FHIT: variants seen among roughly 807,000 people sequenced by gnomAD.
FHIT encodes fragile histidine triad diadenosine triphosphatase.
In FHIT, 19 loss-of-function variants were observed where a neutral mutation model predicts 17.9. That is an observed-to-expected ratio of 1.06 (90% CI 0.74 to 1.56). FHIT has a LOEUF of 1.56. Ranked by LOEUF, FHIT falls within the 40% of genes most tolerant of loss-of-function variation. FHIT has a pLI of 0.00. For synonymous variants in FHIT, 81 were observed against 69.7 expected (o/e 1.16, Z -0.81); for missense variants, 248 against 189.2 (o/e 1.31, Z -1.82).
intron 3 of FHIT, among the ~76,000 whole-genome samples, chr3:60,876,107 TC>T (rs1159355656): frequency 6.6e-6 from 1 of 152,094 alleles, no homozygotes; most frequent in East Asian, 1.9e-4. Context: ...GTTATCAGGA[TC>T]CTAACCTTAA....
rs551008239 is a variant in FHIT at position 60,768,737 on chromosome 3, C to A, written c.-18+53182G>T. Among the ~76,000 whole-genome samples, 3 of 152,356 alleles carry A rather than the reference C, an allele frequency of 2.0e-5. No individual in the cohort carries two copies. The East Asian group carries it at 5.8e-4, about 29-fold the overall frequency. Reference sequence around the variant, plus strand: ...ATGCCTGTGAGGGGCCCTGGCAAGGCATACCGCCTGACCTGCACACCAAGT... The same window carrying A: ...ATGCCTGTGAGGGGCCCTGGCAAGGAATACCGCCTGACCTGCACACCAAGT... On this transcript the variant is annotated intron_variant, in intron 4 of 9. Transcript: ENST00000492590.
chr3:60,826,022 A>C (rs1553740830), intron 3 of FHIT, among the ~76,000 whole-genome samples: 1 of 152,156 alleles, frequency 6.6e-6, no homozygotes, highest in Admixed American at 6.5e-5. Flanking sequence ...AAATCTGACC[A>C]AACAAAAACG....
intron 8 of FHIT, among the ~76,000 whole-genome samples, chr3:59,791,032 C>A (rs78833803): frequency 6.6e-6 from 1 of 152,180 alleles, no homozygotes; most frequent in Admixed American, 6.5e-5. Context: ...TTCTCCCTGA[C>A]TTTGCCTGGG....
At chr3:61,209,447 G>A (rs4688355) in intron 1 of FHIT, among the ~76,000 whole-genome samples, 65,615 of 151,972 alleles carry the variant, frequency 0.43, 14,561 homozygotes, top group East Asian at 0.58. Flanking sequence ...GTCACTTTCA[G>A]GTACACCAAT....
At chr3:60,748,273 C>A (rs782182900) in intron 4 of FHIT, among the ~76,000 whole-genome samples, 7 of 152,148 alleles carry the variant, frequency 4.6e-5, no homozygotes, top group Admixed American at 2.0e-4. Flanking sequence ...TATTTGGGGG[C>A]CTGCAAATTA....
chr3:60,487,797 C>T (rs2033903900), intron 5 of FHIT, among the ~76,000 whole-genome samples: 1 of 152,138 alleles, frequency 6.6e-6, no homozygotes, highest in Non-Finnish European at 1.5e-5. Flanking sequence ...GTCTTTAATG[C>T]TCACCTATTT....
At chr3:59,839,663 C>T (rs1701461061) in intron 8 of FHIT, among the ~76,000 whole-genome samples, 1 of 152,172 alleles carries the variant, frequency 6.6e-6, no homozygotes, top group African/African-American at 2.4e-5. Flanking sequence ...TCCTTTCACT[C>T]TCTTCTGGGA....
intron 4 of FHIT, among the ~76,000 whole-genome samples, chr3:60,692,144 T>C (rs2107887874): frequency 6.6e-6 from 1 of 152,334 alleles, no homozygotes; most frequent in East Asian, 1.9e-4. Context: ...TAGACTCATC[T>C]TGTATCACTA....
intron 4 of FHIT, among the ~76,000 whole-genome samples, chr3:60,698,529 T>G (rs1270003325): frequency 6.6e-6 from 1 of 152,190 alleles, no homozygotes; most frequent in Non-Finnish European, 1.5e-5. Context: ...AAGAACCTTT[T>G]GTTAAACTAC....
At chr3:60,971,521 T>C (rs74869227) in intron 3 of FHIT, among the ~76,000 whole-genome samples, 11,133 of 134,942 alleles carry the variant, frequency 0.083, 498 homozygotes, top group East Asian at 0.2. Flanking sequence ...TCTCCCTCAA[T>C]CTTTTTTTTT....
chr3:59,934,755 G>C (rs1706147699), intron 7 of FHIT, among the ~76,000 whole-genome samples: 1 of 152,066 alleles, frequency 6.6e-6, no homozygotes, highest in Non-Finnish European at 1.5e-5. Context: ...AGTGCCCAGT[G>C]AAGGGGAATC....
At chr3:60,542,706 A>G (rs541303220) in intron 4 of FHIT, among the ~76,000 whole-genome samples, 88 of 152,252 alleles carry the variant, frequency 5.8e-4, no homozygotes, top group African/African-American at 2.1e-3. Flanking sequence ...TTCACCATCT[A>G]TTAATTTCTC....
At chr3:61,206,920 G>C (rs929916321) in intron 1 of FHIT, among the ~76,000 whole-genome samples, 1 of 152,144 alleles carries the variant, frequency 6.6e-6, no homozygotes, top group Non-Finnish European at 1.5e-5. Flanking sequence ...AATGCCTCTA[G>C]TTTTTGTCCA....
chr3:60,814,987 A>G (rs373753242), intron 4 of FHIT, among the ~76,000 whole-genome samples: 27 of 148,892 alleles, frequency 1.8e-4, no homozygotes, highest in African/African-American at 6.2e-4. Context: ...TATTTCTCTG[A>G]TGATTAGGGA....
At chr3:61,070,125 C>T (rs1465593345) in intron 2 of FHIT, among the ~76,000 whole-genome samples, 1 of 152,096 alleles carries the variant, frequency 6.6e-6, no homozygotes, top group African/African-American at 2.4e-5. Context: ...AACTCCTGAC[C>T]TCAAATGATC....
chr3:60,209,129 A>G (rs1703334314), intron 5 of FHIT, among the ~76,000 whole-genome samples: 1 of 152,210 alleles, frequency 6.6e-6, no homozygotes, highest in Non-Finnish European at 1.5e-5. Context: ...CAAAACATTT[A>G]CCCAATGTAT....
At position 60,112,421 on chromosome 3, in the gene FHIT, C is replaced by A. The variant is rs577520667; in HGVS notation, c.104-98269G>T. Among the ~76,000 whole-genome samples, 18 of 152,282 alleles carry A rather than the reference C, an allele frequency of 1.2e-4. 1 individual carries two copies. The South Asian group carries it at 2.9e-3, about 25-fold the overall frequency. On this transcript the variant is annotated intron_variant, in intron 5 of 9. Transcript: ENST00000492590. The stretch of plus-strand genomic sequence containing the variant: ...TGGTCCCGAGTTTCAGAAGCCTGAT[C>A]ATAGCGCTGCCACTGCTGCTTCTGC...
chr3:60,566,712 A>G (rs1162355830), intron 4 of FHIT, among the ~76,000 whole-genome samples: 1 of 152,100 alleles, frequency 6.6e-6, no homozygotes. Context: ...AGAAAACCCC[A>G]TTGTCTCAGC....
chr3:60,435,901 C>T (rs1250446605), intron 5 of FHIT, among the ~76,000 whole-genome samples: 2 of 152,036 alleles, frequency 1.3e-5, no homozygotes, highest in Admixed American at 6.6e-5. Flanking sequence ...CAGGTGAAAA[C>T]GTATAGTATT....
Sources: gnomAD v4.1 joint callset for allele counts (sites outside exome capture counted in the v4.1 genomes callset) on GRCh38, gnomAD v4.1.1 for gene constraint, MANE v1.5 for transcripts, NCBI Gene and HGNC (gene_info 2026-07-23, HGNC 2026-07-21) for gene names.